The following METTL15 variants were observed in gnomAD, a reference collection of about 807,000 sequenced individuals.
METTL15 encodes 12S rRNA N(4)-cytidine methyltransferase METTL15.
A neutral mutation model predicts 38.3 loss-of-function variants in METTL15; 34 were observed. The observed-to-expected ratio is 0.89, with a 90% CI of 0.68 to 1.18. The LOEUF (loss-of-function observed/expected upper bound fraction) is 1.18, where lower values mean the gene tolerates loss of function less well. Ranked by LOEUF, METTL15 falls within the 50% of genes most tolerant of loss-of-function variation. The probability of loss-of-function intolerance (pLI) is 0.00; values close to 1 mark genes in which losing one functional copy is unlikely to be tolerated. For missense variants in METTL15, 438 were observed against 498.4 expected (o/e 0.88, Z 1.15); for synonymous variants, 162 against 170.9 (o/e 0.95, Z 0.41).
chr11:28,233,833 T>C (rs990858183), intron 4 of METTL15, among the ~76,000 whole-genome samples: 4 of 151,990 alleles, frequency 2.6e-5, no homozygotes, highest in African/African-American at 7.3e-5. Flanking sequence ...CTTTAAGTTT[T>C]AGGGTACATG....
intron 5 of METTL15, among the ~76,000 whole-genome samples, chr11:28,402,558 C>A (rs1850639112): frequency 6.6e-6 from 1 of 151,948 alleles, no homozygotes; most frequent in South Asian, 2.1e-4. Flanking sequence ...TGGAATTTCC[C>A]AAATATGGCT....
intron 4 of METTL15, among the ~76,000 whole-genome samples, chr11:28,244,882 C>G (rs1472266374): frequency 6.6e-6 from 1 of 152,144 alleles, no homozygotes; most frequent in Non-Finnish European, 1.5e-5. Flanking sequence ...GTAGAGATAT[C>G]CTGTCTTTTC....
downstream of METTL15, among the ~76,000 whole-genome samples, chr11:28,530,874 C>T (rs780901052): frequency 5.9e-5 from 9 of 152,072 alleles, no homozygotes; most frequent in South Asian, 1.2e-3. Flanking sequence ...CTTAATATGT[C>T]TCTCTTAAAA....
intron 3 of METTL15, among the ~76,000 whole-genome samples, chr11:28,118,956 A>G (rs1349096934): frequency 6.6e-6 from 1 of 152,208 alleles, no homozygotes; most frequent in Non-Finnish European, 1.5e-5. Context: ...GTTGTTAGCT[A>G]GATTAAAAAA....
At chr11:28,277,267 G>A (rs148313892) in intron 4 of METTL15, among the ~76,000 whole-genome samples, 2 of 152,254 alleles carry the variant, frequency 1.3e-5, no homozygotes, top group Non-Finnish European at 2.9e-5. Flanking sequence ...GTATCAAAGG[G>A]ATACATGTAC....
chr11:28,153,428 TTCTG>T (rs1354281437), intron 3 of METTL15, among the ~76,000 whole-genome samples: 2 of 152,148 alleles, frequency 1.3e-5, no homozygotes, highest in Non-Finnish European at 2.9e-5. Flanking sequence ...GAATGTTTCT[TTCTG>T]AATATTTTTG....
In METTL15 at chr11:28,209,920, A is replaced by G. The variant is rs186807217; in HGVS notation, c.271-1142A>G. ...ATCTAGCCAGTAGACTTATGTTGTCATTGTAGTCAATATTATTAGAGTAAT... is the reference window on the plus strand; with the variant it reads ...ATCTAGCCAGTAGACTTATGTTGTCGTTGTAGTCAATATTATTAGAGTAAT... On this transcript the variant is annotated intron_variant, in intron 3 of 6. Transcript: ENST00000407364. Among the ~76,000 whole-genome samples, 504 of 152,112 alleles carry G rather than the reference A, an allele frequency of 3.3e-3. 6 individuals carry two copies. Among genetic ancestry groups the G allele is most frequent in the African/African-American group, 0.012 (486 of 41,546 alleles).
intron 6 of METTL15, among the ~76,000 whole-genome samples, chr11:28,329,854 AAC>A (rs1402855427): frequency 6.6e-6 from 1 of 152,104 alleles, no homozygotes; most frequent in Non-Finnish European, 1.5e-5. Flanking sequence ...CTTCTTCGTA[AAC>A]AGAGTGTTCT....
At chr11:28,521,197 A>G (rs1851762257) in intron 6 of METTL15, among the ~76,000 whole-genome samples, 1 of 152,198 alleles carries the variant, frequency 6.6e-6, no homozygotes, top group African/African-American at 2.4e-5. Flanking sequence ...TAAGTCATCA[A>G]TGGAAGATTC....
intron 4 of METTL15, among the ~76,000 whole-genome samples, chr11:28,360,960 C>T (rs1362242092): frequency 6.6e-6 from 1 of 151,952 alleles, no homozygotes; most frequent in African/African-American, 2.4e-5. Flanking sequence ...TTTCCAATTT[C>T]ATCCATGTCC....
intron 3 of METTL15, among the ~76,000 whole-genome samples, chr11:28,133,437 A>C (rs1366309231): frequency 6.6e-6 from 1 of 152,198 alleles, no homozygotes; most frequent in African/African-American, 2.4e-5. Context: ...TTAACACACT[A>C]TGGTAGCCAG....
chr11:28,154,309 G>A (rs943221200), intron 3 of METTL15, among the ~76,000 whole-genome samples: 9 of 152,008 alleles, frequency 5.9e-5, no homozygotes, highest in African/African-American at 2.2e-4. Flanking sequence ...TGTACGATGT[G>A]GATAGTATAA....
chr11:28,340,565 GAAA>G (rs879116767), intron 3 of METTL15, among the ~76,000 whole-genome samples: 1 of 152,044 alleles, frequency 6.6e-6, no homozygotes, highest in Non-Finnish European at 1.5e-5. Context: ...ACAAACATAC[GAAA>G]AAAACCTCAT....
At chr11:28,164,863 T>C (rs565252958) in intron 3 of METTL15, among the ~76,000 whole-genome samples, 1 of 152,156 alleles carries the variant, frequency 6.6e-6, no homozygotes, top group African/African-American at 2.4e-5. Context: ...TCTTCCCTCC[T>C]CCCCAGGCCT....
chr11:28,211,551 GTAAA>G (rs1439610987), intron 4 of METTL15, among the ~76,000 whole-genome samples: 2 of 151,984 alleles, frequency 1.3e-5, no homozygotes, highest in African/African-American at 4.8e-5. Context: ...ATTTAGCAGA[GTAAA>G]TAAGTATGTG....
At chr11:28,362,986 C>T (rs193077121) in intron 5 of METTL15, among the ~76,000 whole-genome samples, 1 of 152,230 alleles carries the variant, frequency 6.6e-6, no homozygotes, top group East Asian at 1.9e-4. Context: ...GTAGTATAAA[C>T]TTTCCCTTTT....
Position 28,160,825 on chromosome 11 carries a change from A to T in METTL15, c.270+47221A>T, listed in dbSNP as rs769134693. On this transcript the variant is annotated intron_variant, in intron 3 of 6. Transcript: ENST00000407364. ...TAAACAAACCAAGAGTAAAATTTTC[A>T]TCCCTTTAATAAGCCTAGCAAGACA... Among the ~76,000 whole-genome samples the T allele has an allele frequency of 2.6e-5, 4 of 152,248 alleles. No individual in the cohort carries two copies. In the South Asian group the frequency reaches 6.2e-4, roughly 24 times the overall value.
chr11:28,169,433 A>T (rs1419364622), intron 3 of METTL15, among the ~76,000 whole-genome samples: 1 of 152,128 alleles, frequency 6.6e-6, no homozygotes, highest in East Asian at 1.9e-4. Flanking sequence ...TTTTAAAATT[A>T]TATTAGAAAT....
chr11:28,341,183 TA>T (rs1419549948), intron 3 of METTL15, among the ~76,000 whole-genome samples: 1 of 151,940 alleles, frequency 6.6e-6, no homozygotes, highest in Non-Finnish European at 1.5e-5. Context: ...GTTGGGGGGC[TA>T]GGGGAGGGAT....
Sources: allele counts gnomAD v4.1 joint callset (sites outside exome capture counted in the v4.1 genomes callset), GRCh38; gene constraint gnomAD v4.1.1; transcripts MANE v1.5; gene names NCBI Gene and HGNC (gene_info 2026-07-23, HGNC 2026-07-21).